SLC35E4: variants seen among roughly 807,000 people sequenced by gnomAD.
SLC35E4 encodes the protein solute carrier family 35 member E4, also known as solute carrier family 35, member E4.
A neutral mutation model predicts 19.3 loss-of-function variants in SLC35E4; 15 were observed. That is an observed-to-expected ratio of 0.78 (90% CI 0.52 to 1.20). SLC35E4 has a LOEUF of 1.20. Ranked by LOEUF, SLC35E4 falls within the 50% of genes most tolerant of loss-of-function variation. The probability of loss-of-function intolerance (pLI) is 0.00; values close to 1 mark genes in which losing one functional copy is unlikely to be tolerated. For synonymous variants in SLC35E4, 219 were observed against 219.9 expected (o/e 1.00, Z 0.04); for missense variants, 406 against 472.3 (o/e 0.86, Z 1.30).
downstream of SLC35E4, among the ~76,000 whole-genome samples, chr22:30,666,343 G>A (rs149173006): frequency 6.6e-6 from 1 of 152,266 alleles, no homozygotes; most frequent in Non-Finnish European, 1.5e-5. Context: ...TATCAGGGCT[G>A]GGCACGGTGG....
downstream of SLC35E4, chr22:30,649,369 C>A: frequency 1.5e-6 from 1 of 654,374 alleles, no homozygotes; most frequent in South Asian, 1.8e-5. Flanking sequence ...CAGGCTGGGG[C>A]TGTGGTCTAT....
intron 1 of SLC35E4, among the ~76,000 whole-genome samples, chr22:30,638,535 G>GCCCA: frequency 6.7e-6 from 1 of 149,694 alleles, no homozygotes; most frequent in South Asian, 2.1e-4. Flanking sequence ...AATTGGGCCA[G>GCCCA]GCGCAGTGGC....
chr22:30,638,822 C>T (rs1222021917), intron 1 of SLC35E4, among the ~76,000 whole-genome samples: 6 of 151,754 alleles, frequency 4.0e-5, no homozygotes, highest in Admixed American at 6.6e-5. Flanking sequence ...CAAAATTAGC[C>T]GGGCCAGGTG....
downstream of SLC35E4, chr22:30,649,224 C>T (rs888932240): frequency 1.3e-5 from 9 of 717,070 alleles, no homozygotes; most frequent in East Asian, 8.0e-5. Context: ...GAATGAGGAG[C>T]GCTGGGCAGG....
intron 2 of SLC35E4, chr22:30,653,903 G>C (rs2088276803): frequency 1.2e-5 from 2 of 166,980 alleles, no homozygotes; most frequent in Non-Finnish European, 2.6e-5. Context: ...TGGGTCTTGA[G>C]GACACCCCAG....
chr22:30,657,761 G>A (rs199853328), intron 2 of SLC35E4, among the ~76,000 whole-genome samples: 4 of 151,280 alleles, frequency 2.6e-5, no homozygotes, highest in African/African-American at 4.9e-5. Context: ...AAAATTAGCC[G>A]GGTGTGGTGG....
At chr22:30,653,010 T>C (rs908112227) in intron 2 of SLC35E4, among the ~76,000 whole-genome samples, 1 of 152,166 alleles carries the variant, frequency 6.6e-6, no homozygotes, top group Non-Finnish European at 1.5e-5. Flanking sequence ...CCTGGAGCCC[T>C]ATGAGGAATT....
chr22:30,655,508 T>C (rs1461002396), intron 2 of SLC35E4, among the ~76,000 whole-genome samples: 2 of 142,060 alleles, frequency 1.4e-5, no homozygotes, highest in African/African-American at 2.5e-5. Flanking sequence ...CAAAATATCC[T>C]TTTTTTTTTT....
chr22:30,650,440 G>A (rs767162763), downstream of SLC35E4, among the ~76,000 whole-genome samples: 2 of 152,182 alleles, frequency 1.3e-5, no homozygotes, highest in African/African-American at 4.8e-5. Flanking sequence ...AGATTGCTGT[G>A]AGCCAAGATT....
chr22:30,638,575 G>T (rs1602070481), intron 1 of SLC35E4, among the ~76,000 whole-genome samples: 1 of 151,688 alleles, frequency 6.6e-6, no homozygotes, highest in East Asian at 1.9e-4. Context: ...ACTTTGGGAG[G>T]CCGAGGCAAG....
rs1398189180 is a variant in SLC35E4, at chr22:30,636,906, G to C, written c.456G>C (p.Ala152=). ...CTCTGTTCACCCTGGCCCTGTCGGC[G>C]CTGCTGCTGGGCCGCCGCCACCACC... ...TTPLFTLALS[A]LLLGRRHHPL... Residue 152 remains alanine, a synonymous_variant, in exon 1 of 2, where the codon GCG becomes GCC. Coordinates refer to ENST00000343605, the MANE Select transcript of SLC35E4 (RefSeq NM_001001479.4). 5.0e-6 allele frequency: 8 copies of C among 1,611,616 alleles called. No individual in the cohort carries two copies. Among genetic ancestry groups the C allele is most frequent in the South Asian group, 3.3e-5 (3 of 90,926 alleles).
At chr22:30,651,446 T>A (rs1456923749), downstream of SLC35E4, among the ~76,000 whole-genome samples, 7 of 109,122 alleles carry the variant, frequency 6.4e-5, no homozygotes, top group South Asian at 3.3e-4. Context: ...TTTTTTTTTT[T>A]TTTTTTTTTT....
intron 2 of SLC35E4, among the ~76,000 whole-genome samples, chr22:30,658,237 T>C (rs140203579): frequency 5.6e-4 from 85 of 151,814 alleles, no homozygotes; most frequent in Non-Finnish European, 1.1e-3. Flanking sequence ...CTGAGGACTC[T>C]GAAAAAGAAA....
intron 1 of SLC35E4, among the ~76,000 whole-genome samples, chr22:30,643,422 A>G (rs1039949623): frequency 7.2e-5 from 11 of 152,326 alleles, no homozygotes; most frequent in Admixed American, 2.6e-4. Context: ...ACATGCAATG[A>G]TGATGACAAT....
At chr22:30,637,217 A>T in intron 1 of SLC35E4, 148 bp downstream of exon 1, 1 of 1,242,684 alleles carries the variant, frequency 8.0e-7, no homozygotes, top group Non-Finnish European at 1.1e-6. Context: ...TGAGGCTCAG[A>T]GAGGGCCAAC....
At chr22:30,663,760 A>T (rs370884993), downstream of SLC35E4, 38 of 1,614,110 alleles carry the variant, frequency 2.4e-5, no homozygotes, top group Admixed American at 5.5e-4. Flanking sequence ...GGGTCAAAGA[A>T]GTCACAGAGA....
chr22:30,653,976 T>C (rs2088278180), intron 2 of SLC35E4: 1 of 147,124 alleles, frequency 6.8e-6, no homozygotes, highest in Non-Finnish European at 1.4e-5. Flanking sequence ...TTAGCTGTTT[T>C]GTTTTTTTGT....
chr22:30,656,024 G>C (rs1569064649), intron 2 of SLC35E4, among the ~76,000 whole-genome samples: 1 of 151,956 alleles, frequency 6.6e-6, no homozygotes, highest in Non-Finnish European at 1.5e-5. Flanking sequence ...TGAGGACGCA[G>C]TGCAGTGGTG....
chr22:30,663,435 G>T, downstream of SLC35E4: 1 of 1,605,008 alleles, frequency 6.2e-7, no homozygotes, highest in South Asian at 1.1e-5. Flanking sequence ...TCGTGGGATG[G>T]CTCACAGTGG....
Sources: gnomAD v4.1 joint callset for allele counts (sites outside exome capture counted in the v4.1 genomes callset) on GRCh38, gnomAD v4.1.1 for gene constraint, MANE v1.5 for transcripts, NCBI Gene and HGNC (gene_info 2026-07-23, HGNC 2026-07-21) for gene names.